The following MKNK1 variants were observed in gnomAD, a reference collection of about 807,000 sequenced individuals.
The protein encoded by MKNK1 is MAP kinase-interacting serine/threonine-protein kinase 1.
A neutral mutation model predicts 49.3 loss-of-function variants in MKNK1; 30 were observed. The ratio of observed to expected loss-of-function variants is 0.61; its 90% CI spans 0.46 to 0.83. MKNK1 has a LOEUF of 0.83. Among genes scored for constraint, MKNK1 ranks in the 40% least tolerant of loss-of-function variants. MKNK1 has a pLI of 0.00. For missense variants in MKNK1, 423 were observed against 524.7 expected, an observed-to-expected ratio of 0.81 and a Z score of 1.89; for synonymous variants, 176 against 201.7, an observed-to-expected ratio of 0.87 and a Z score of 1.08.
chr1:46,564,390 C>G (rs560271973), intron 9 of MKNK1, among the ~76,000 whole-genome samples: 3 of 150,364 alleles, frequency 2.0e-5, no homozygotes, highest in African/African-American at 7.4e-5. Flanking sequence ...TGCTCATATG[C>G]AAAAGGGCTG....
intron 10 of MKNK1, among the ~76,000 whole-genome samples, chr1:46,562,057 T>C (rs2148552280): frequency 6.6e-6 from 1 of 152,294 alleles, no homozygotes; most frequent in East Asian, 1.9e-4. Flanking sequence ...TTCCTTCTAC[T>C]TGTGATTCTT....
chr1:46,588,036 G>A (rs1672826674), intron 2 of MKNK1, among the ~76,000 whole-genome samples: 1 of 152,110 alleles, frequency 6.6e-6, no homozygotes, highest in Non-Finnish European at 1.5e-5. Flanking sequence ...ATCTCAAAAG[G>A]TAAATATTTT....
In MKNK1 at chr1:46,561,444, G is replaced by A. The variant is rs202117122; in HGVS notation, c.969+34C>T. On this transcript the variant is annotated intron_variant, in intron 11 of 12. Coordinates refer to ENST00000371945, the MANE Select transcript of MKNK1 (RefSeq NM_001135553.4). ...CTTGTGGCCATGCCACAGGCCTGAAGTGGTGGAAAACACCCCTCCCTGGAG... is the reference window on the plus strand; with the variant it reads ...CTTGTGGCCATGCCACAGGCCTGAAATGGTGGAAAACACCCCTCCCTGGAG... The A allele has an allele frequency of 2.5e-6, 4 of 1,575,968 alleles. No homozygotes were observed. The Admixed American group carries it at 7.2e-5, about 28-fold the overall frequency.
rs1667318429 is a variant in MKNK1, at chr1:46,558,231, GC to G, written c.*343del. ...TTCTTGCTTCTCCCTGCAGGCTGCA[GC>G]CCCAGCCGCCACAGCTACAGCGGTG... On this transcript the variant is annotated 3_prime_UTR_variant, in exon 13 of 13. Coordinates refer to ENST00000371945, the MANE Select transcript of MKNK1 (RefSeq NM_001135553.4). 1 of 247,762 alleles carries G rather than the reference GC, an allele frequency of 4.0e-6. No homozygotes were observed. Among genetic ancestry groups the G allele is most frequent in the East Asian group, 8.1e-5 (1 of 12,280 alleles). 15.3% of individuals were successfully genotyped at this position (247,762 alleles called of 1,614,324 possible).
chr1:46,576,761 G>A (rs1671026297), intron 4 of MKNK1, 107 bp from the exon 5 acceptor site: 3 of 959,458 alleles, frequency 3.1e-6, no homozygotes, highest in Non-Finnish European at 5.0e-6. Context: ...CAAATCCAGT[G>A]TCCAGCAGAA....
rs893780477 is a variant in MKNK1, at chr1:46,567,202, C to T, written c.513+1241G>A. Among the ~76,000 whole-genome samples, 16 of 152,146 alleles carry T rather than the reference C, an allele frequency of 1.1e-4. 1 individual carries two copies. Among genetic ancestry groups the T allele is most frequent in the African/African-American group, 2.9e-4 (12 of 41,428 alleles). On this transcript the variant is annotated intron_variant, in intron 8 of 12. Transcript: ENST00000371945. ...AAGGGATCCTCCTGCCTCAGCCTCC[C>T]GAAGTGTTGGGATTATAGGCGTGAG...
At chr1:46,597,003 A>T (rs1674154904) in intron 1 of MKNK1, among the ~76,000 whole-genome samples, 1 of 152,126 alleles carries the variant, frequency 6.6e-6, no homozygotes, top group South Asian at 2.1e-4. Flanking sequence ...CTCCTCAAAA[A>T]TTACTTCTGA....
chr1:46,575,340 C>T (rs1250285645), intron 5 of MKNK1: 6 of 214,418 alleles, frequency 2.8e-5, no homozygotes, highest in South Asian at 1.2e-4. Context: ...AATCTGCAGC[C>T]GACTGGAAGC....
chr1:46,572,344 C>T (rs1670315204), intron 6 of MKNK1, 177 bp from the exon 7 acceptor site: 2 of 468,774 alleles, frequency 4.3e-6, no homozygotes, highest in Admixed American at 3.3e-5. Context: ...TCCTGAGTAG[C>T]TGGGATTACA....
At chr1:46,603,706 G>A (rs1295785434) in intron 1 of MKNK1, among the ~76,000 whole-genome samples, 1 of 152,220 alleles carries the variant, frequency 6.6e-6, no homozygotes, top group Non-Finnish European at 1.5e-5. Flanking sequence ...GGAGCTTGGA[G>A]CTCTCTAGAA....
At chr1:46,582,841 T>C (rs2148699972) in intron 3 of MKNK1, 1 of 468,746 alleles carries the variant, frequency 2.1e-6, no homozygotes, top group Non-Finnish European at 4.2e-6. Context: ...TTTGCGGCCA[T>C]GGCCTTTGGT....
Position 46,560,243 on chromosome 1 carries a change from A to T in MKNK1, c.1004T>A (p.Val335Asp). 6.2e-7 allele frequency: 1 copy of T among 1,614,048 alleles called. No individual in the cohort carries two copies. Among genetic ancestry groups the T allele is most frequent in the Non-Finnish European group, 8.5e-7 (1 of 1,179,986 alleles). Reference protein sequence around the residue: ...APEKGLPTPQVLQRNSSTMDL... With the variant: ...APEKGLPTPQDLQRNSSTMDL... ...TGGTCAGAGCATTTACCTCTGGAGG[A>T]CTTGCGGCGTGGGGAGTCCCTTTTC... The change falls in exon 12 of 13, where the codon GTC becomes GAC. Residue 335 changes from valine to aspartate, a missense_variant. By Grantham distance (152) the Val-to-Asp change is radical. Transcript: ENST00000371945.
At chr1:46,573,620 C>G (rs1289964942) in intron 6 of MKNK1, 3 of 152,142 alleles carry the variant, frequency 2.0e-5, no homozygotes, top group Non-Finnish European at 4.4e-5. Context: ...TCCCAATGTG[C>G]TAGGGAACAT....
chr1:46,580,848 G>A (rs1170760242), intron 3 of MKNK1, among the ~76,000 whole-genome samples: 3 of 152,128 alleles, frequency 2.0e-5, no homozygotes, highest in Non-Finnish European at 4.4e-5. Flanking sequence ...TCATTTTAGC[G>A]ATGAGGTTAG....
intron 2 of MKNK1, among the ~76,000 whole-genome samples, chr1:46,587,289 G>A (rs538759609): frequency 1.3e-5 from 2 of 152,308 alleles, no homozygotes; most frequent in Middle Eastern, 3.4e-3. Context: ...ACGGCTCGGC[G>A]GTCCACCACA....
chr1:46,568,532 T>C, intron 7 of MKNK1, 34 bp from the exon 8 acceptor site: 1 of 1,590,834 alleles, frequency 6.3e-7, no homozygotes, highest in Non-Finnish European at 8.6e-7. Flanking sequence ...ATGGTTAACA[T>C]ATGCAGATAA....
rs1417331824 is a variant in MKNK1 at position 46,589,331 on chromosome 1, AAG to A, written c.-3+4780_-3+4781del. 3.9e-5 allele frequency among the ~76,000 whole-genome samples: 6 copies of A among 152,104 alleles called. 1 individual carries two copies. The highest frequency in any genetic ancestry group is 1.4e-4 in the African/African-American group (6 of 41,398). Reference sequence around the variant, plus strand: ...TGAGTGGGACAGGGCTGAGGCCTGGAAGAGAGTGTCCCAGACCAAGGAAGGGC... The same window carrying A: ...TGAGTGGGACAGGGCTGAGGCCTGGAAGAGTGTCCCAGACCAAGGAAGGGC... On this transcript the variant is annotated intron_variant, in intron 2 of 12. Coordinates refer to ENST00000371945, the MANE Select transcript of MKNK1 (RefSeq NM_001135553.4). This position sits in a 1 kb window ranked among gnomAD's most constrained non-coding sequence, Gnocchi z 4.3.
At chr1:46,582,977 C>T (rs1487146018) in intron 3 of MKNK1, 3 of 644,374 alleles carry the variant, frequency 4.7e-6, no homozygotes, top group Non-Finnish European at 8.6e-6. Context: ...CTTCCTGCTC[C>T]CTGAAAAGGA....
chr1:46,577,609 G>T (rs1671168352), intron 4 of MKNK1, among the ~76,000 whole-genome samples: 2 of 152,334 alleles, frequency 1.3e-5, no homozygotes, highest in South Asian at 4.1e-4. Context: ...TGACTCCTAA[G>T]CCCTTGCTAT....
Sources: gnomAD v4.1 joint callset for allele counts (sites outside exome capture counted in the v4.1 genomes callset) on GRCh38, gnomAD v4.1.1 for gene constraint, Gnocchi (gnomAD v3.1) non-coding constraint, MANE v1.5 for transcripts, NCBI Gene and HGNC (gene_info 2026-07-23, HGNC 2026-07-21) for gene names.